KDM5B: variants seen among roughly 807,000 people sequenced by gnomAD.
KDM5B encodes lysine demethylase 5B.
In KDM5B, 144 loss-of-function variants were observed where a neutral mutation model predicts 193.4. That is an observed-to-expected ratio of 0.74 (90% CI 0.65 to 0.86). The LOEUF is 0.86. Ranked by LOEUF, KDM5B falls within the 40% of genes least tolerant of loss-of-function variation. The probability of loss-of-function intolerance (pLI) is 0.00; values close to 1 mark genes in which losing one functional copy is unlikely to be tolerated. For missense variants in KDM5B, 1,833 were observed against 1,886.9 expected (o/e 0.97, Z 0.53); for synonymous variants, 668 against 682.6 (o/e 0.98, Z 0.33).
chr1:202,775,882 ATATAT>A (rs1558507325), intron 2 of KDM5B, among the ~76,000 whole-genome samples: 7 of 73,868 alleles, frequency 9.5e-5, no homozygotes, highest in African/African-American at 2.5e-4. Context: ...AAAAAAAAAT[ATATAT>A]ATATATATAT....
At chr1:202,808,047 G>C (rs997131533) in intron 1 of KDM5B, 55 bp downstream of exon 1, 18 of 1,569,128 alleles carry the variant, frequency 1.1e-5, no homozygotes, top group Non-Finnish European at 1.5e-5. Flanking sequence ...GGACCCGCGC[G>C]TCCCCGCTCC....
chr1:202,758,966 ACAGGG>A (rs537610334), intron 8 of KDM5B: 2 of 153,834 alleles, frequency 1.3e-5, no homozygotes, highest in South Asian at 4.1e-4. Context: ...CTGGGAGTTA[ACAGGG>A]GCAGTATAAG....
At chr1:202,787,846 C>T (rs1249629800) in intron 1 of KDM5B, among the ~76,000 whole-genome samples, 1 of 151,364 alleles carries the variant, frequency 6.6e-6, no homozygotes, top group Admixed American at 6.6e-5. Context: ...GCCAAGATCA[C>T]ACCACCATTG....
chr1:202,741,523 G>T lies in KDM5B; in HGVS notation c.2789C>A (p.Pro930His). The T allele has an allele frequency of 6.2e-7, 1 of 1,614,204 alleles. No individual in the cohort carries two copies. Among genetic ancestry groups the T allele is most frequent in the Non-Finnish European group, 8.5e-7 (1 of 1,180,036 alleles). Reference sequence around the variant, plus strand: ...CATATCATCTAAAGTAAGGGAGCTGGGGTCTAGGCAAGCTTGCTGCACCTC... The same window carrying T: ...CATATCATCTAAAGTAAGGGAGCTGTGGTCTAGGCAAGCTTGCTGCACCTC... ...LEEVQQACLDPSSLTLDDMRR... is the reference protein window; with the variant it reads ...LEEVQQACLDHSSLTLDDMRR... Residue 930 changes from proline (P) to histidine (H), a missense_variant, in exon 19 of 27, where the codon CCC (proline) becomes CAC (histidine). Physicochemically the swap from Pro to His is moderately conservative, Grantham distance 77 (BLOSUM62 -2). Around this residue, in one of 3 missense-constraint regions of KDM5B, gnomAD observed 1,379 missense variants for 1,349.6 expected, o/e 1.02. Transcript: ENST00000367265.
At position 202,727,301 on chromosome 1, in the gene KDM5B, C is replaced by T. The variant is rs945873806; in HGVS notation, c.*1735G>A. Reference sequence around the variant, plus strand: ...CTAACAAGGCCAAACCACGATGATTCCAAATTGTACTCTGGAGACTATTCT... The same window carrying T: ...CTAACAAGGCCAAACCACGATGATTTCAAATTGTACTCTGGAGACTATTCT... On this transcript the variant is annotated 3_prime_UTR_variant, in exon 27 of 27. Transcript: ENST00000367265. 3 of 152,160 alleles carry T rather than the reference C, an allele frequency of 2.0e-5. No homozygotes were observed. Among genetic ancestry groups the T allele is most frequent in the Admixed American group, 6.5e-5 (1 of 15,268 alleles). 9.4% of individuals were successfully genotyped at this position (152,160 alleles called of 1,614,324 possible). A position where few individuals can be genotyped will look rare whatever the true frequency, so the allele number is the denominator to read the frequency against.
chr1:202,758,611 T>C, intron 8 of KDM5B, 101 bp from the exon 9 acceptor site: 2 of 956,880 alleles, frequency 2.1e-6, no homozygotes, highest in South Asian at 2.5e-5. Flanking sequence ...TTAATTTGTT[T>C]ATTTTACTTC....
intron 1 of KDM5B, among the ~76,000 whole-genome samples, chr1:202,778,647 G>C (rs1239617811): frequency 6.6e-6 from 1 of 152,114 alleles, no homozygotes; most frequent in Non-Finnish European, 1.5e-5. Context: ...TTTGGAGACA[G>C]AGTTTCGCTC....
At chr1:202,792,699 C>CA (rs1354006572) in intron 1 of KDM5B, among the ~76,000 whole-genome samples, 1 of 151,940 alleles carries the variant, frequency 6.6e-6, no homozygotes, top group Non-Finnish European at 1.5e-5. Flanking sequence ...AGACCACAGT[C>CA]AAAAAAAGAC....
At chr1:202,767,925 A>T (rs1254842212) in intron 4 of KDM5B, among the ~76,000 whole-genome samples, 2 of 151,524 alleles carry the variant, frequency 1.3e-5, no homozygotes, top group Non-Finnish European at 2.9e-5. Flanking sequence ...TGTTCGGAAT[A>T]AAAAAAAATA....
chr1:202,802,139 T>C (rs1439108437), intron 1 of KDM5B, among the ~76,000 whole-genome samples: 1 of 152,194 alleles, frequency 6.6e-6, no homozygotes, highest in East Asian at 1.9e-4. Flanking sequence ...TTTTCAAACC[T>C]ATAGATGGCA....
chr1:202,776,642 GTCTTGACC>G (rs1174558506), intron 2 of KDM5B, among the ~76,000 whole-genome samples: 1 of 152,086 alleles, frequency 6.6e-6, no homozygotes, highest in Non-Finnish European at 1.5e-5. Context: ...GCTCACTACA[GTCTTGACC>G]TCCCAGGCTG....
At chr1:202,743,354 A>C (rs1394752332) in intron 16 of KDM5B, among the ~76,000 whole-genome samples, 2 of 151,666 alleles carry the variant, frequency 1.3e-5, no homozygotes, top group South Asian at 2.1e-4. Context: ...AAAAAAAAAA[A>C]AAAAAAAAAA....
At chr1:202,734,136 T>C (rs1369041335) in intron 22 of KDM5B, among the ~76,000 whole-genome samples, 1 of 152,082 alleles carries the variant, frequency 6.6e-6, no homozygotes, top group East Asian at 1.9e-4. Context: ...AGATGTGGGA[T>C]AGGACACTCT....
At chr1:202,797,898 G>A (rs1657914348) in intron 1 of KDM5B, among the ~76,000 whole-genome samples, 1 of 152,194 alleles carries the variant, frequency 6.6e-6, no homozygotes, top group South Asian at 2.1e-4. Flanking sequence ...TCACTAATCT[G>A]TTTAGGGACA....
At position 202,808,174 on chromosome 1, in the gene KDM5B, G is replaced by A. The variant is rs138805422; in HGVS notation, c.132C>T (p.Asp44=). The A allele has an allele frequency of 3.7e-6, 6 of 1,613,118 alleles. No homozygotes were observed. Among genetic ancestry groups the A allele is most frequent in the Admixed American group, 1.7e-5 (1 of 59,986 alleles). The change falls in exon 1 of 27, where the codon GAC becomes GAT. Residue 44 remains aspartate, a synonymous_variant. Coordinates refer to ENST00000367265, the MANE Select transcript of KDM5B (RefSeq NM_006618.5). ...VFEPSWEEFA[D]PFAFIHKIRP... is the part of the protein sequence containing the mutation. Reference sequence around the variant, plus strand: ...GGATCTTGTGGATGAAAGCGAAGGGGTCCGCGAACTCTTCCCAGCTGGGTT... The same window carrying A: ...GGATCTTGTGGATGAAAGCGAAGGGATCCGCGAACTCTTCCCAGCTGGGTT...
At position 202,741,414 on chromosome 1, in the gene KDM5B, T is replaced by C. The variant is rs770124668; in HGVS notation, c.2898A>G (p.Thr966=). The C allele has an allele frequency of 5.0e-6, 8 of 1,595,720 alleles. No homozygotes were observed. The highest frequency in any genetic ancestry group is 3.4e-4 in the Middle Eastern group (2 of 5,940). Residue 966 remains threonine, a synonymous_variant, in exon 19 of 27, where the codon ACA becomes ACG. Transcript: ENST00000367265. ...CTTTGTCGTCCCAGTGCTCTGACAC[T>C]GTGAGCAGTTCCTGCAGCCGGGCCA... ...KAMARLQELL[T]VSEHWDDKAK...
chr1:202,740,735 G>A lies in KDM5B; in HGVS notation c.3023C>T (p.Ala1008Val), dbSNP rs575015025. The A allele has an allele frequency of 1.6e-4, 259 of 1,612,648 alleles. No homozygotes were observed. The highest frequency in any genetic ancestry group is 1.9e-4 in the Non-Finnish European group (225 of 1,179,818). The stretch of plus-strand genomic sequence containing the variant: ...TCTCTGCACTGAGTCTTTCAGAGCC[G>A]CACCATTGGGCAGATATGCAGGGAT... The part of the protein sequence containing the change: ...EEIPAYLPNG[A>V]ALKDSVQRAR... The change falls in exon 20 of 27, where the codon GCG becomes GTG. Residue 1008 changes from alanine to valine, a missense_variant. Physicochemically the swap from Ala to Val is moderately conservative, Grantham distance 64. Transcript: ENST00000367265.
At chr1:202,739,276 T>C (rs1217925811) in intron 20 of KDM5B, among the ~76,000 whole-genome samples, 1 of 152,192 alleles carries the variant, frequency 6.6e-6, no homozygotes, top group Non-Finnish European at 1.5e-5. Flanking sequence ...AAAAAGTTGG[T>C]GACACTGTCT....
chr1:202,795,332 G>A lies in KDM5B; in HGVS notation c.204+12770C>T, dbSNP rs143563996. 9.3e-4 allele frequency among the ~76,000 whole-genome samples: 142 copies of A among 152,078 alleles called. 1 individual carries two copies. The East Asian group carries it at 0.017, about 18-fold the overall frequency. On this transcript the variant is annotated intron_variant, in intron 1 of 26. Transcript: ENST00000367265. ...GGACAGCAGTTGACAAATTCTATCC[G>A]TGGTTTTCCTTTCTGCAGATAAGAG...
Sources: allele counts gnomAD v4.1 joint callset (sites outside exome capture counted in the v4.1 genomes callset), GRCh38; gene constraint gnomAD v4.1.1; regional missense constraint gnomAD v4.1.1; transcripts MANE v1.5; gene names NCBI Gene and HGNC (gene_info 2026-07-23, HGNC 2026-07-21).